CIDEC: variants seen among roughly 807,000 people sequenced by gnomAD.
The protein encoded by CIDEC is cell death inducing DFFA like effector c.
In CIDEC, 11 loss-of-function variants were observed where a neutral mutation model predicts 21.9. That is an observed-to-expected ratio of 0.50 (90% confidence interval 0.32 to 0.83). The LOEUF (loss-of-function observed/expected upper bound fraction) is 0.83, where lower values mean the gene tolerates loss of function less well. CIDEC is among the 40% of genes least tolerant of loss of function. The pLI is 0.04. For synonymous variants in CIDEC, 127 were observed against 124.9 expected (o/e 1.02, Z -0.11); for missense variants, 302 against 302.3 (o/e 1.00, Z 0.01).
intron 6 of CIDEC, 74 bp downstream of exon 6, chr3:9,869,808 A>G: frequency 2.2e-6 from 3 of 1,386,104 alleles, no homozygotes; most frequent in Non-Finnish European, 3.1e-6. Context: ...GAGAAGGCTG[A>G]GTCCATGTGG....
intron 4 of CIDEC, 92 bp downstream of exon 4, chr3:9,876,974 G>A (rs11710850): frequency 9.1e-7 from 1 of 1,099,074 alleles, no homozygotes; most frequent in African/African-American, 1.6e-5. Context: ...GTAGGTATCA[G>A]AAAGGAAACT....
intron 4 of CIDEC, among the ~76,000 whole-genome samples, chr3:9,876,289 C>T (rs1277180920): frequency 6.6e-6 from 1 of 152,090 alleles, no homozygotes; most frequent in Non-Finnish European, 1.5e-5. Context: ...GCCTGGCCAA[C>T]ATGACAAAAC....
intron 4 of CIDEC, among the ~76,000 whole-genome samples, chr3:9,872,181 C>CTTTTTTT (rs60836522): frequency 0.11 from 16,146 of 144,270 alleles, 946 homozygotes; most frequent in South Asian, 0.15. Flanking sequence ...GATGCTGAGC[C>CTTTTTTT]TTTTTTTTTT....
At chr3:9,868,977 G>A (rs1320006986) in intron 6 of CIDEC, among the ~76,000 whole-genome samples, 1 of 152,024 alleles carries the variant, frequency 6.6e-6, no homozygotes, top group Non-Finnish European at 1.5e-5. Flanking sequence ...AGCATTTTGT[G>A]TGTGTGTGTG....
intron 6 of CIDEC, among the ~76,000 whole-genome samples, chr3:9,868,400 T>G (rs2082302100): frequency 6.6e-6 from 1 of 152,242 alleles, no homozygotes; most frequent in South Asian, 2.1e-4. Flanking sequence ...GAGCATGTAC[T>G]GAGAACAGAA....
Position 9,867,029 on chromosome 3 carries a change from G to T in CIDEC, c.*105C>A. 8.0e-7 allele frequency: 1 copy of T among 1,252,932 alleles called. No individual in the cohort carries two copies. The highest frequency in any genetic ancestry group is 1.2e-6 in the Non-Finnish European group (1 of 852,422). 77.6% of individuals were successfully genotyped at this position (1,252,932 alleles called of 1,614,324 possible). ...GGTCCTGCGCGGTGAGGGAGGTGTG[G>T]GGAGGTTCGCGGCTCTACAGCTGCC... On this transcript the variant is annotated 3_prime_UTR_variant, in exon 7 of 7. Coordinates refer to ENST00000336832, the MANE Select transcript of CIDEC (RefSeq NM_001321142.2).
intron 3 of CIDEC, 114 bp downstream of exon 3, chr3:9,878,320 G>A: frequency 1.2e-6 from 1 of 841,194 alleles, no homozygotes. Flanking sequence ...TCCTGAATCA[G>A]AATCTGCACT....
In CIDEC at chr3:9,867,037, C is replaced by A. The variant is rs144827443; in HGVS notation, c.*97G>T. Reference sequence around the variant, plus strand: ...GCGGTGAGGGAGGTGTGGGGAGGTTCGCGGCTCTACAGCTGCCAGGCTTGT... The same window carrying A: ...GCGGTGAGGGAGGTGTGGGGAGGTTAGCGGCTCTACAGCTGCCAGGCTTGT... On this transcript the variant is annotated 3_prime_UTR_variant, in exon 7 of 7. Transcript: ENST00000336832. The A allele has an allele frequency of 7.6e-3, 10,365 of 1,370,428 alleles. 50 individuals carry two copies. Among genetic ancestry groups the A allele is most frequent in the Non-Finnish European group, 8.8e-3 (8,484 of 959,894 alleles). The allele number at this position is 1,370,428 out of a possible 1,614,324, so 84.9% of individuals were successfully genotyped here.
At chr3:9,874,012 G>A (rs1164348911) in intron 4 of CIDEC, among the ~76,000 whole-genome samples, 1 of 151,922 alleles carries the variant, frequency 6.6e-6, no homozygotes, top group African/African-American at 2.4e-5. Flanking sequence ...ACAGACCTTA[G>A]AAAAAAATGG....
intron 1 of CIDEC, among the ~76,000 whole-genome samples, chr3:9,879,477 G>A (rs2082476178): frequency 6.6e-6 from 1 of 152,046 alleles, no homozygotes; most frequent in Admixed American, 6.5e-5. Flanking sequence ...TGGCACAGGA[G>A]CTGTATTTTT....
chr3:9,878,753 G>A, intron 2 of CIDEC, 189 bp downstream of exon 2: 1 of 1,536,086 alleles, frequency 6.5e-7, no homozygotes, highest in Admixed American at 2.0e-5. Flanking sequence ...CTCAGCAGCT[G>A]CTGCTCCTGC....
chr3:9,880,092 A>C (rs2082484412), intron 1 of CIDEC, 132 bp downstream of exon 1: 1 of 152,072 alleles, frequency 6.6e-6, no homozygotes, highest in South Asian at 2.1e-4. Flanking sequence ...AGGCTGAGGC[A>C]GGAGGATTCT....
At chr3:9,879,334 C>T (rs971879134) in intron 1 of CIDEC, among the ~76,000 whole-genome samples, 13 of 151,698 alleles carry the variant, frequency 8.6e-5, no homozygotes, top group Non-Finnish European at 1.6e-4. Flanking sequence ...AGTTTAGTTT[C>T]GTTTTGTTTG....
chr3:9,869,967 C>A lies in CIDEC; in HGVS notation c.469G>T (p.Gly157Cys), dbSNP rs774609071. The A allele has an allele frequency of 1.2e-6, 2 of 1,614,190 alleles. No homozygotes were observed. Among genetic ancestry groups the A allele is most frequent in the South Asian group, 2.2e-5 (2 of 91,086 alleles). Residue 157 changes from glycine to cysteine, a missense_variant, in exon 6 of 7, where the codon GGC (glycine) becomes TGC (cysteine). Physicochemically the swap from Gly to Cys is radical, Grantham distance 159. Coordinates refer to ENST00000336832, the MANE Select transcript of CIDEC (RefSeq NM_001321142.2). The part of the protein sequence containing the change: ...LYKLNPQDFI[G>C]CLNVKATFYD... ...AAAGTCGCCTTCACGTTCAGGCAGCCAATGAAGTCCTGTGGGTTCAGCTTG... is the reference window on the plus strand; with the variant it reads ...AAAGTCGCCTTCACGTTCAGGCAGCAAATGAAGTCCTGTGGGTTCAGCTTG...
intron 4 of CIDEC, among the ~76,000 whole-genome samples, chr3:9,876,516 G>A (rs2082424516): frequency 6.6e-6 from 1 of 151,946 alleles, no homozygotes; most frequent in Non-Finnish European, 1.5e-5. Context: ...CAACACTTTG[G>A]GAGGCCAAGG....
rs777278439 is a variant in CIDEC, at chr3:9,878,521, A to G, written c.-25-10T>C. 3.1e-6 allele frequency: 5 copies of G among 1,611,334 alleles called. No individual in the cohort carries two copies. The highest frequency in any genetic ancestry group is 4.2e-6 in the Non-Finnish European group (5 of 1,177,610). On this transcript the variant is annotated splice_polypyrimidine_tract_variant and intron_variant, in intron 2 of 6. Coordinates refer to ENST00000336832, the MANE Select transcript of CIDEC (RefSeq NM_001321142.2). ...CTGGACTGCGTTGGACCTGGGAAGG[A>G]GGCAGAAACAATTCATCAGGGTGAG...
intron 4 of CIDEC, among the ~76,000 whole-genome samples, chr3:9,871,860 C>T (rs1262937889): frequency 6.6e-6 from 1 of 152,108 alleles, no homozygotes; most frequent in Non-Finnish European, 1.5e-5. Flanking sequence ...AAACTCCCGA[C>T]CTCAGTTGAT....
In CIDEC at chr3:9,872,292, G is replaced by C. The variant is rs940647433; in HGVS notation, c.208-1970C>G. 5.9e-5 allele frequency among the ~76,000 whole-genome samples: 9 copies of C among 151,672 alleles called. No homozygotes were observed. The South Asian group carries it at 1.3e-3, about 21-fold the overall frequency. On this transcript the variant is annotated intron_variant, in intron 4 of 6. Coordinates refer to ENST00000336832, the MANE Select transcript of CIDEC (RefSeq NM_001321142.2). Reference sequence around the variant, plus strand: ...AGGCTCAAGTGATCCTCCCACCTCAGTCTCCCAAGTAGCTGGGACTACAGG... The same window carrying C: ...AGGCTCAAGTGATCCTCCCACCTCACTCTCCCAAGTAGCTGGGACTACAGG...
chr3:9,873,146 G>T (rs1484279521), intron 4 of CIDEC, among the ~76,000 whole-genome samples: 4 of 152,054 alleles, frequency 2.6e-5, no homozygotes, highest in African/African-American at 9.7e-5. Context: ...CCGTATCTAG[G>T]AAGTCAAGGC....
Sources: allele counts gnomAD v4.1 joint callset (sites outside exome capture counted in the v4.1 genomes callset), GRCh38; gene constraint gnomAD v4.1.1; transcripts MANE v1.5; gene names NCBI Gene and HGNC (gene_info 2026-07-23, HGNC 2026-07-21).